ARHGEF3: variants seen among roughly 807,000 people sequenced by gnomAD.
ARHGEF3 encodes Rho guanine nucleotide exchange factor 3.
A neutral mutation model predicts 63.2 loss-of-function variants in ARHGEF3; 28 were observed. The observed-to-expected ratio is 0.44, with a 90% CI of 0.33 to 0.61. ARHGEF3 has a LOEUF of 0.61. Among genes scored for constraint, ARHGEF3 ranks in the 20% least tolerant of loss-of-function variants. The pLI, the probability that ARHGEF3 is intolerant of heterozygous loss-of-function variation, is 0.03. For missense variants in ARHGEF3, 533 were observed against 659.3 expected, an observed-to-expected ratio of 0.81 and a Z score of 2.10; for synonymous variants, 266 against 254.2, an observed-to-expected ratio of 1.05 and a Z score of -0.44.
intron 1 of ARHGEF3, among the ~76,000 whole-genome samples, chr3:56,781,243 C>CT (rs111752315): frequency 2.4e-3 from 340 of 142,900 alleles, no homozygotes; most frequent in Middle Eastern, 3.6e-3. Flanking sequence ...TTTCTTTTGT[C>CT]TTTTTTTTTT....
chr3:56,912,798 A>G (rs1357956830), intron 3 of ARHGEF3, among the ~76,000 whole-genome samples: 1 of 152,216 alleles, frequency 6.6e-6, no homozygotes, highest in Non-Finnish European at 1.5e-5. Context: ...GAGGTGAGTG[A>G]GATGGGGAAA....
At chr3:56,869,854 T>G (rs889207788) in intron 4 of ARHGEF3, among the ~76,000 whole-genome samples, 7 of 152,176 alleles carry the variant, frequency 4.6e-5, no homozygotes, top group African/African-American at 1.7e-4. Flanking sequence ...AGTGACTTCT[T>G]ACAGCAAAAA....
intron 7 of ARHGEF3, among the ~76,000 whole-genome samples, chr3:56,743,540 A>G (rs1434809689): frequency 1.3e-5 from 2 of 152,200 alleles, no homozygotes; most frequent in Non-Finnish European, 2.9e-5. Flanking sequence ...AAGAACAGCT[A>G]TCTCCTAGGC....
chr3:56,843,923 G>C (rs988111292), intron 4 of ARHGEF3, among the ~76,000 whole-genome samples: 3 of 152,174 alleles, frequency 2.0e-5, no homozygotes, highest in Admixed American at 6.5e-5. Context: ...AGGTTAACAG[G>C]ACATAAAATC....
intron 4 of ARHGEF3, among the ~76,000 whole-genome samples, chr3:56,867,522 G>A (rs1047463097): frequency 2.6e-5 from 4 of 151,948 alleles, no homozygotes; most frequent in African/African-American, 9.7e-5. Flanking sequence ...ACCCAAGCTG[G>A]AGTACAGTGG....
At chr3:56,755,942 C>G (rs1402815737) in intron 2 of ARHGEF3, among the ~76,000 whole-genome samples, 1 of 152,156 alleles carries the variant, frequency 6.6e-6, no homozygotes, top group Non-Finnish European at 1.5e-5. Context: ...GAAAGAACCA[C>G]CCTTAGACAT....
chr3:56,741,811 G>A (rs556245335), intron 7 of ARHGEF3, among the ~76,000 whole-genome samples: 3 of 152,278 alleles, frequency 2.0e-5, no homozygotes, highest in South Asian at 2.1e-4. Flanking sequence ...CTTTGCATTG[G>A]TTCTTGAGAG....
At position 56,737,231 on chromosome 3, in the gene ARHGEF3, G is replaced by A. The variant is rs1457725185; in HGVS notation, c.995C>T (p.Ser332Phe). The A allele has an allele frequency of 6.2e-7, 1 of 1,614,112 alleles. No homozygotes were observed. Among genetic ancestry groups the A allele is most frequent in the Admixed American group, 1.7e-5 (1 of 60,030 alleles). ...TTCACCATGACAACACAAGACTCGA[G>A]AGCTGTCGATCAGGGAGTCTTTCTG... ...EGQKDSLIDS[S>F]RVLCCHGELK... Residue 332 changes from serine (S) to phenylalanine (F), a missense_variant, in exon 8 of 10, where the codon TCT becomes TTT. Coordinates refer to ENST00000296315, the MANE Select transcript of ARHGEF3 (RefSeq NM_019555.3).
intron 4 of ARHGEF3, among the ~76,000 whole-genome samples, chr3:56,811,149 C>T (rs912423026): frequency 2.6e-5 from 4 of 152,208 alleles, no homozygotes; most frequent in African/African-American, 4.8e-5. Flanking sequence ...CAAATCTATA[C>T]TCCGAGTAAA....
intron 2 of ARHGEF3, among the ~76,000 whole-genome samples, chr3:57,032,064 T>C (rs1437462501): frequency 6.6e-6 from 1 of 152,130 alleles, no homozygotes; most frequent in Non-Finnish European, 1.5e-5. Context: ...AGTCAAACAT[T>C]TTAGGGTAGG....
chr3:57,012,604 G>T (rs911930713), intron 2 of ARHGEF3, among the ~76,000 whole-genome samples: 7 of 152,202 alleles, frequency 4.6e-5, no homozygotes, highest in Non-Finnish European at 5.9e-5. Context: ...GACATAGAAG[G>T]TGGGTAGAAT....
chr3:56,849,901 C>G (rs2039618832), intron 4 of ARHGEF3, among the ~76,000 whole-genome samples: 1 of 152,166 alleles, frequency 6.6e-6, no homozygotes, highest in African/African-American at 2.4e-5. Context: ...CGGGATATGA[C>G]AGCTGAAAGG....
At chr3:57,049,348 G>A (rs1368815081) in intron 1 of ARHGEF3, among the ~76,000 whole-genome samples, 2 of 152,042 alleles carry the variant, frequency 1.3e-5, no homozygotes, top group East Asian at 1.9e-4. Context: ...CAGCCTGGGC[G>A]ACAGAGTGAG....
intron 2 of ARHGEF3, among the ~76,000 whole-genome samples, chr3:56,962,944 G>A (rs1700343930): frequency 2.6e-5 from 4 of 152,056 alleles, no homozygotes; most frequent in African/African-American, 4.8e-5. Context: ...GAGGTTTAGC[G>A]ACCACTTATA....
At chr3:56,983,188 C>G (rs1167185058) in intron 2 of ARHGEF3, among the ~76,000 whole-genome samples, 2 of 152,112 alleles carry the variant, frequency 1.3e-5, no homozygotes, top group East Asian at 3.9e-4. Context: ...TAGCATCCAA[C>G]ATTTAAAAAT....
At chr3:57,048,980 G>C (rs1316858667) in intron 1 of ARHGEF3, among the ~76,000 whole-genome samples, 1 of 152,158 alleles carries the variant, frequency 6.6e-6, no homozygotes, top group Non-Finnish European at 1.5e-5. Flanking sequence ...TGACATGGCT[G>C]GGTAGAATCA....
intron 4 of ARHGEF3, among the ~76,000 whole-genome samples, chr3:56,825,034 C>G (rs1236676349): frequency 2.7e-5 from 4 of 150,856 alleles, no homozygotes; most frequent in Non-Finnish European, 5.9e-5. Flanking sequence ...TGTAGCAGCC[C>G]CAGTCTGGAT....
intron 1 of ARHGEF3, among the ~76,000 whole-genome samples, chr3:57,040,042 T>C (rs1261051913): frequency 6.6e-6 from 1 of 152,156 alleles, no homozygotes; most frequent in Non-Finnish European, 1.5e-5. Context: ...ATAGAATGAA[T>C]GAAATCAATG....
At chr3:57,047,802 C>G (rs1006156) in intron 1 of ARHGEF3, among the ~76,000 whole-genome samples, 65,820 of 151,928 alleles carry the variant, frequency 0.43, 14,983 homozygotes, top group Middle Eastern at 0.51. Context: ...GAACCCAGGG[C>G]AGCTGGGTTA....
Sources: gnomAD v4.1 joint callset for allele counts (sites outside exome capture counted in the v4.1 genomes callset) on GRCh38, gnomAD v4.1.1 for gene constraint, MANE v1.5 for transcripts, NCBI Gene and HGNC (gene_info 2026-07-23, HGNC 2026-07-21) for gene names.